The following PARP15 variants were observed in gnomAD, a reference collection of about 807,000 sequenced individuals.
The protein encoded by PARP15 is protein mono-ADP-ribosyltransferase PARP15.
PARP15 carries 50 observed loss-of-function variants against 62.1 expected under a neutral mutation model. The ratio of observed to expected loss-of-function variants is 0.81; its 90% confidence interval spans 0.64 to 1.02. The LOEUF (loss-of-function observed/expected upper bound fraction) is 1.02. PARP15 is among the 50% of genes least tolerant of loss of function. The probability of loss-of-function intolerance (pLI) is 0.00; values close to 1 mark genes in which losing one functional copy is unlikely to be tolerated. For synonymous variants in PARP15, 309 were observed against 293.1 expected (o/e 1.05, Z -0.55); for missense variants, 820 against 826.5 (o/e 0.99, Z 0.10).
intron 4 of PARP15, 101 bp downstream of exon 4, chr3:122,613,369 CCTATAA>C: frequency 2.9e-6 from 3 of 1,034,714 alleles, no homozygotes; most frequent in Non-Finnish European, 4.3e-6. Flanking sequence ...TAATCCTGTG[CCTATAA>C]GTGATGGTTG....
chr3:122,601,188 T>A (rs1934773980), intron 1 of PARP15, among the ~76,000 whole-genome samples: 2 of 151,942 alleles, frequency 1.3e-5, no homozygotes, highest in Admixed American at 1.3e-4. Context: ...CACGCCCAGC[T>A]AATTTTTGTA....
chr3:122,583,127 T>TTTG, intron 1 of PARP15, among the ~76,000 whole-genome samples: 1 of 117,776 alleles, frequency 8.5e-6, no homozygotes, highest in Non-Finnish European at 1.9e-5. Flanking sequence ...TTTTTTTTTT[T>TTTG]TTTTTTTTTT....
intron 8 of PARP15, among the ~76,000 whole-genome samples, chr3:122,623,772 A>G (rs553558234): frequency 6.6e-6 from 1 of 152,364 alleles, no homozygotes; most frequent in South Asian, 2.1e-4. Context: ...GGAGGAATGA[A>G]TAACAGGTGA....
chr3:122,603,663 G>A (rs897836818), intron 1 of PARP15, among the ~76,000 whole-genome samples: 1 of 152,114 alleles, frequency 6.6e-6, no homozygotes, highest in African/African-American at 2.4e-5. Flanking sequence ...CTTTTGGGAG[G>A]TTTTCTAGTC....
At chr3:122,593,334 G>A (rs563754531) in intron 1 of PARP15, among the ~76,000 whole-genome samples, 2 of 152,008 alleles carry the variant, frequency 1.3e-5, no homozygotes, top group Non-Finnish European at 2.9e-5. Context: ...TAGAGACGGG[G>A]TTTCACCATG....
intron 1 of PARP15, among the ~76,000 whole-genome samples, chr3:122,580,877 G>T (rs558621328): frequency 7.2e-5 from 11 of 152,258 alleles, no homozygotes; most frequent in Non-Finnish European, 8.8e-5. Context: ...GTCAGTGACC[G>T]ACCATGTAAA....
intron 1 of PARP15, among the ~76,000 whole-genome samples, chr3:122,604,580 T>C (rs1226312857): frequency 6.6e-6 from 1 of 151,976 alleles, no homozygotes; most frequent in Admixed American, 6.6e-5. Flanking sequence ...TAGGGCCGGG[T>C]GTGGTGGCTC....
chr3:122,604,593 A>C (rs1006538063), intron 1 of PARP15, among the ~76,000 whole-genome samples: 3 of 151,812 alleles, frequency 2.0e-5, no homozygotes, highest in African/African-American at 7.3e-5. Flanking sequence ...GGTGGCTCGC[A>C]CCTGTAATCC....
Position 122,617,014 on chromosome 3 carries a change from G to A in PARP15, c.851-1G>A. 6.2e-7 allele frequency: 1 copy of A among 1,613,494 alleles called. No homozygotes were observed. Among genetic ancestry groups the A allele is most frequent in the Non-Finnish European group, 8.5e-7 (1 of 1,179,680 alleles). On this transcript the variant is annotated splice_acceptor_variant, in intron 5 of 11. Coordinates refer to ENST00000464300, the MANE Select transcript of PARP15 (RefSeq NM_001113523.3). LOFTEE classifies it high-confidence loss of function. ...TCTTTACCTATTTTCTTTCTTTTCA[G>A]GTGTGGTCGGGACTGTCTCTAAGCC...
At chr3:122,614,799 C>G (rs1432297164) in intron 4 of PARP15, among the ~76,000 whole-genome samples, 1 of 151,884 alleles carries the variant, frequency 6.6e-6, no homozygotes, top group South Asian at 2.1e-4. Flanking sequence ...GAGGCTGAGG[C>G]AGGGGGATTG....
At chr3:122,622,273 G>A (rs971862884) in intron 8 of PARP15, among the ~76,000 whole-genome samples, 3 of 152,104 alleles carry the variant, frequency 2.0e-5, no homozygotes, top group Non-Finnish European at 4.4e-5. Context: ...TCTCCTCTGG[G>A]GGAGTTTTCT....
chr3:122,626,886 T>C lies in PARP15; in HGVS notation c.1291T>C (p.Phe431Leu), dbSNP rs1246403229. 1.2e-6 allele frequency: 2 copies of C among 1,614,002 alleles called. No homozygotes were observed. Among genetic ancestry groups the C allele is most frequent in the African/African-American group, 2.7e-5 (2 of 74,912 alleles). The change falls in exon 9 of 12, where the codon TTC becomes CTC. Residue 431 changes from phenylalanine to leucine, a missense_variant. Transcript: ENST00000464300. ...ADNIIDAIVD[F>L]SSQHSTPSLK... The stretch of plus-strand genomic sequence containing the variant: ...TAACATAATCGATGCTATTGTAGAC[T>C]TCTCATCACAACATTCCACCCCATC...
At chr3:122,603,706 G>T (rs1002286300) in intron 1 of PARP15, among the ~76,000 whole-genome samples, 2 of 152,158 alleles carry the variant, frequency 1.3e-5, no homozygotes, top group African/African-American at 4.8e-5. Context: ...CTCACCCAAA[G>T]TATTCTCTGG....
At chr3:122,593,780 A>G (rs765566551) in intron 1 of PARP15, among the ~76,000 whole-genome samples, 2 of 152,198 alleles carry the variant, frequency 1.3e-5, no homozygotes, top group African/African-American at 2.4e-5. Flanking sequence ...ACAAAATCAC[A>G]AGTATATATT....
intron 2 of PARP15, among the ~76,000 whole-genome samples, chr3:122,610,185 T>G (rs1186520849): frequency 6.6e-6 from 1 of 152,202 alleles, no homozygotes; most frequent in Non-Finnish European, 1.5e-5. Flanking sequence ...CATTTCTCTC[T>G]CTCAGTCTTC....
At chr3:122,599,365 A>G (rs1275937878) in intron 1 of PARP15, among the ~76,000 whole-genome samples, 1 of 146,016 alleles carries the variant, frequency 6.8e-6, no homozygotes, top group African/African-American at 2.5e-5. Flanking sequence ...AGAGCGAGAC[A>G]TAGTCTCAAA....
At chr3:122,577,898 G>T (rs1412853887) in intron 1 of PARP15, 45 bp downstream of exon 1, 3 of 1,482,560 alleles carry the variant, frequency 2.0e-6, no homozygotes, top group East Asian at 5.0e-5. Context: ...CAGCAGGGCT[G>T]AGCCTGGGGC....
chr3:122,636,024 C>A lies in PARP15; in HGVS notation c.1961C>A (p.Thr654Lys). Reference protein sequence around the residue: ...TDLFDSVTNNTRSPKLFVVFF... With the variant: ...TDLFDSVTNNKRSPKLFVVFF... ...CTCTTTGACTCAGTGACAAACAATACACGATCTCCAAAGCTATTTGTGGTA... is the reference window on the plus strand; with the variant it reads ...CTCTTTGACTCAGTGACAAACAATAAACGATCTCCAAAGCTATTTGTGGTA... Residue 654 changes from threonine (T) to lysine (K), a missense_variant, in exon 12 of 12, where the codon ACA (threonine) becomes AAA (lysine). Physicochemically the swap from Thr to Lys is moderately conservative, Grantham distance 78 (BLOSUM62 -1). This residue lies in a region of PARP15 where 84 missense variants were observed against 79.7 expected (regional missense o/e 1.05). Coordinates refer to ENST00000464300, the MANE Select transcript of PARP15 (RefSeq NM_001113523.3). The A allele has an allele frequency of 1.2e-6, 2 of 1,614,074 alleles. No homozygotes were observed. Among genetic ancestry groups the A allele is most frequent in the Non-Finnish European group, 1.7e-6 (2 of 1,179,944 alleles).
At position 122,637,124 on chromosome 3, in the gene PARP15, T is replaced by C. The variant is rs968141618; in HGVS notation, c.*1024T>C. ...ATGAATACTCCACTGGCAAGGATCA[T>C]TGGGGGCCATCTTGGAAGCTGTGTG... On this transcript the variant is annotated 3_prime_UTR_variant, in exon 12 of 12. Coordinates refer to ENST00000464300, the MANE Select transcript of PARP15 (RefSeq NM_001113523.3). The C allele has an allele frequency of 1.3e-5, 2 of 152,256 alleles. No individual in the cohort carries two copies. Among genetic ancestry groups the C allele is most frequent in the East Asian group, 1.9e-4 (1 of 5,192 alleles). 9.4% of individuals were successfully genotyped at this position (152,256 alleles called of 1,614,324 possible). A position where few individuals can be genotyped will look rare whatever the true frequency, so the allele number is the denominator to read the frequency against.
Sources: allele counts gnomAD v4.1 joint callset (sites outside exome capture counted in the v4.1 genomes callset), GRCh38; gene constraint gnomAD v4.1.1; regional missense constraint gnomAD v4.1.1; transcripts MANE v1.5; gene names NCBI Gene and HGNC (gene_info 2026-07-23, HGNC 2026-07-21).